Variants in CNKSR2 observed in about 807,000 individuals in gnomAD.
The protein encoded by CNKSR2 is connector enhancer of kinase suppressor of Ras 2, also known as CNK homolog protein 2.
A neutral mutation model predicts 84.4 loss-of-function variants in CNKSR2; 14 were observed. The observed-to-expected ratio is 0.17, with a 90% CI of 0.11 to 0.26. The LOEUF (loss-of-function observed/expected upper bound fraction) is 0.26, where lower values mean the gene tolerates loss of function less well. Ranked by LOEUF, CNKSR2 falls within the 10% of genes least tolerant of loss-of-function variation. The pLI is 1.00. For synonymous variants in CNKSR2, 275 were observed against 277.9 expected (o/e 0.99, Z 0.10); for missense variants, 485 against 771.2 (o/e 0.63, Z 4.40).
intron 20 of CNKSR2, among the ~76,000 whole-genome samples, chrX:21,621,077 A>T (rs1264542119): frequency 9.0e-6 from 1 of 111,465 alleles, no homozygotes; most frequent in Non-Finnish European, 1.9e-5. Flanking sequence ...TTGTGTTATC[A>T]AACATAATTT....
At chrX:21,546,187 G>A (rs748777499) in intron 11 of CNKSR2, among the ~76,000 whole-genome samples, 1 of 109,539 alleles carries the variant, frequency 9.1e-6, no homozygotes, top group Non-Finnish European at 1.9e-5. Flanking sequence ...AAAGGTTAGA[G>A]GAATTGCTAA....
intron 12 of CNKSR2, among the ~76,000 whole-genome samples, chrX:21,562,136 T>C (rs1444848473): frequency 9.0e-6 from 1 of 110,807 alleles, no homozygotes; most frequent in Non-Finnish European, 1.9e-5. Flanking sequence ...TAAGTTTTTA[T>C]GTTCACTTAT....
chrX:21,566,307 G>A (rs1339193567), intron 13 of CNKSR2, among the ~76,000 whole-genome samples: 2 of 112,045 alleles, frequency 1.8e-5, no homozygotes, highest in Non-Finnish European at 3.8e-5. Context: ...ACAATGCTTG[G>A]ACCTTGGAGA....
intron 2 of CNKSR2, among the ~76,000 whole-genome samples, chrX:21,430,112 T>C (rs996179359): frequency 9.0e-6 from 1 of 110,917 alleles, no homozygotes; most frequent in African/African-American, 3.3e-5. Context: ...TTCCCCATCC[T>C]CTGCTACATA....
intron 21 of CNKSR2, 38 bp downstream of exon 21, chrX:21,649,065 G>C (rs752624660): frequency 4.3e-5 from 44 of 1,020,706 alleles, no homozygotes; most frequent in Non-Finnish European, 5.8e-5. Context: ...TCTTTGAAGA[G>C]ATTCATTCTT....
At chrX:21,478,722 A>G (rs2091284746) in intron 5 of CNKSR2, among the ~76,000 whole-genome samples, 1 of 111,456 alleles carries the variant, frequency 9.0e-6, no homozygotes, top group South Asian at 3.8e-4. Flanking sequence ...TACTAGCTGT[A>G]AAGAAGCTAA....
At chrX:21,506,987 G>A (rs749677043) in intron 8 of CNKSR2, among the ~76,000 whole-genome samples, 9 of 99,147 alleles carry the variant, frequency 9.1e-5, no homozygotes, top group Non-Finnish European at 1.4e-4. Context: ...CCCCCCACCC[G>A]TTTTTTTTTT....
intron 13 of CNKSR2, among the ~76,000 whole-genome samples, chrX:21,571,372 TA>T (rs1204315012): frequency 8.9e-6 from 1 of 112,228 alleles, no homozygotes; most frequent in Admixed American, 9.4e-5. Flanking sequence ...CTTCCATTTG[TA>T]AAAATTGCAA....
chrX:21,614,584 T>C, intron 20 of CNKSR2, among the ~76,000 whole-genome samples: 1 of 105,627 alleles, frequency 9.5e-6, no homozygotes, highest in African/African-American at 3.9e-5. Flanking sequence ...AAATATGTAT[T>C]TAAAAAAAAC....
intron 13 of CNKSR2, among the ~76,000 whole-genome samples, chrX:21,585,342 C>G (rs186474733): frequency 1.1e-4 from 12 of 106,111 alleles, no homozygotes; most frequent in Admixed American, 2.1e-4. Context: ...AGAGCAGAAG[C>G]AGGGAGAACT....
intron 1 of CNKSR2, among the ~76,000 whole-genome samples, chrX:21,402,465 C>A (rs927435936): frequency 1.4e-4 from 16 of 110,755 alleles, no homozygotes; most frequent in African/African-American, 3.9e-4. Context: ...TTTAATCTAG[C>A]AACTAATATG....
chrX:21,573,546 A>G (rs1472330350), intron 13 of CNKSR2, among the ~76,000 whole-genome samples: 4 of 112,142 alleles, frequency 3.6e-5, no homozygotes, highest in Non-Finnish European at 5.6e-5. Flanking sequence ...CCAAGCCTCA[A>G]TTCTTGACTT....
At chrX:21,571,823 A>G (rs2092285770) in intron 13 of CNKSR2, among the ~76,000 whole-genome samples, 1 of 112,286 alleles carries the variant, frequency 8.9e-6, no homozygotes, top group African/African-American at 3.2e-5. Flanking sequence ...GGTTTGTCTA[A>G]CGGCTGCCTG....
chrX:21,514,567 A>G (rs914083308), intron 8 of CNKSR2, among the ~76,000 whole-genome samples: 1 of 111,604 alleles, frequency 9.0e-6, no homozygotes, highest in African/African-American at 3.2e-5. Context: ...TGCACTGAAA[A>G]TTTCACAGGA....
chrX:21,403,268 T>C (rs1465799604), intron 1 of CNKSR2, among the ~76,000 whole-genome samples: 1 of 111,488 alleles, frequency 9.0e-6, no homozygotes, highest in African/African-American at 3.3e-5. Flanking sequence ...GTATTCACAA[T>C]CTTGTCACCA....
At chrX:21,484,446 GATA>G (rs1464067229) in intron 5 of CNKSR2, among the ~76,000 whole-genome samples, 1 of 111,528 alleles carries the variant, frequency 9.0e-6, no homozygotes, top group Non-Finnish European at 1.9e-5. Context: ...CCATGCTATT[GATA>G]ATAAGCCTGA....
chrX:21,497,673 G>A, intron 6 of CNKSR2, 114 bp from the exon 7 acceptor site: 2 of 478,423 alleles, frequency 4.2e-6, no homozygotes, highest in Non-Finnish European at 7.5e-6. Flanking sequence ...TTTATTTCTG[G>A]GGCGTGTGGC....
In CNKSR2 at chrX:21,606,755, G is replaced by A. The variant is rs1204941995; in HGVS notation, c.2045-24G>A. 6 of 914,447 alleles carry A rather than the reference G, an allele frequency of 6.6e-6. No homozygotes were observed. The Admixed American group carries it at 9.5e-5, about 15-fold the overall frequency. 75.4% of individuals were successfully genotyped at this position (914,447 alleles called of 1,213,427 possible). Reference sequence around the variant, plus strand: ...CAGAAACATTTAGTAGAATGTTGACGTATCCATGTCTGTGAATTTTCAGAT... The same window carrying A: ...CAGAAACATTTAGTAGAATGTTGACATATCCATGTCTGTGAATTTTCAGAT... On this transcript the variant is annotated intron_variant, in intron 18 of 21. Transcript: ENST00000379510.
intron 5 of CNKSR2, among the ~76,000 whole-genome samples, chrX:21,486,367 G>T: frequency 9.0e-6 from 1 of 111,439 alleles, no homozygotes; most frequent in South Asian, 3.7e-4. Context: ...ATACTATGTA[G>T]TTTAAACATG....
Sources: allele counts gnomAD v4.1 joint callset (sites outside exome capture counted in the v4.1 genomes callset), GRCh38; gene constraint gnomAD v4.1.1; transcripts MANE v1.5; gene names NCBI Gene and HGNC (gene_info 2026-07-23, HGNC 2026-07-21).